RBL2: variants seen among roughly 807,000 people sequenced by gnomAD.
RBL2 encodes retinoblastoma-like protein 2.
Under a neutral mutation model 126.0 loss-of-function variants are expected in RBL2, and 56 were observed. The observed-to-expected ratio is 0.44, with a 90% CI of 0.36 to 0.56. RBL2 has a LOEUF of 0.56. Ranked by LOEUF, RBL2 falls within the 20% of genes least tolerant of loss-of-function variation. The pLI is 0.00. For synonymous variants in RBL2, 454 were observed against 478.5 expected (o/e 0.95, Z 0.67); for missense variants, 1,229 against 1,398.2 (o/e 0.88, Z 1.93).
Position 53,480,591 on chromosome 16 carries a change from T to G in RBL2, c.2906T>G (p.Met969Arg). The G allele has an allele frequency of 6.2e-7, 1 of 1,613,934 alleles. No homozygotes were observed. The highest frequency in any genetic ancestry group is 8.5e-7 in the Non-Finnish European group (1 of 1,179,930). ...DRTSRDSSPV[M>R]RSSSTLPVPQ... ...GCCAGTAGAGACTCCAGTCCAGTTATGAGGTCAAGCAGCACCTTGCCAGTT... is the reference window on the plus strand; with the variant it reads ...GCCAGTAGAGACTCCAGTCCAGTTAGGAGGTCAAGCAGCACCTTGCCAGTT... Residue 969 changes from methionine to arginine, a missense_variant, in exon 20 of 22, where the codon ATG (methionine) becomes AGG (arginine). Coordinates refer to ENST00000262133, the MANE Select transcript of RBL2 (RefSeq NM_005611.4).
chr16:53,483,493 G>A lies in RBL2; in HGVS notation c.3249+1658G>A, dbSNP rs901868473. On this transcript the variant is annotated intron_variant, in intron 21 of 21. Transcript: ENST00000262133. ...TTCAAGGCTGCGGTGAGCTATGGTC[G>A]TGCCACCACACTCCAGCCTGGGCAA... Among the ~76,000 whole-genome samples, 10 of 152,156 alleles carry A rather than the reference G, an allele frequency of 6.6e-5. No homozygotes were observed. In the East Asian group the frequency reaches 7.7e-4, roughly 12 times the overall value.
chr16:53,458,454 G>C (rs574083950), intron 8 of RBL2, among the ~76,000 whole-genome samples: 72 of 152,262 alleles, frequency 4.7e-4, no homozygotes, highest in African/African-American at 1.7e-3. Context: ...GTCTACCTTA[G>C]GGGGAGAACC....
intron 14 of RBL2, among the ~76,000 whole-genome samples, chr16:53,468,620 A>G (rs1396678828): frequency 6.6e-6 from 1 of 152,142 alleles, no homozygotes; most frequent in African/African-American, 2.4e-5. Flanking sequence ...ATCATAATCT[A>G]TTCTTTCTGA....
intron 7 of RBL2, 99 bp from the exon 8 acceptor site, chr16:53,454,557 A>C: frequency 8.5e-7 from 1 of 1,172,828 alleles, no homozygotes; most frequent in Admixed American, 2.6e-5. Context: ...AACTTTCAAA[A>C]AACTATTAGA....
intron 8 of RBL2, among the ~76,000 whole-genome samples, chr16:53,456,849 T>C (rs1420085209): frequency 6.6e-6 from 1 of 152,106 alleles, no homozygotes; most frequent in Non-Finnish European, 1.5e-5. Flanking sequence ...TCCCCAACCC[T>C]CAGGACTTCT....
intron 17 of RBL2, 140 bp from the exon 18 acceptor site, chr16:53,479,014 C>T: frequency 1.5e-6 from 1 of 660,282 alleles, no homozygotes; most frequent in Non-Finnish European, 2.7e-6. Flanking sequence ...TTGCTATATG[C>T]CGTTAATACC....
At chr16:53,453,378 T>C in intron 5 of RBL2, 74 bp from the exon 6 acceptor site, 1 of 1,367,692 alleles carries the variant, frequency 7.3e-7, no homozygotes, top group South Asian at 1.3e-5. Flanking sequence ...ATACTCTATG[T>C]TTTACATTTT....
chr16:53,473,261 T>C (rs1960591341), intron 17 of RBL2, among the ~76,000 whole-genome samples: 1 of 152,180 alleles, frequency 6.6e-6, no homozygotes, highest in Admixed American at 6.5e-5. Flanking sequence ...GCACTGAATC[T>C]GTAGATCCAT....
chr16:53,451,963 A>C, intron 5 of RBL2, 132 bp downstream of exon 5: 1 of 1,003,402 alleles, frequency 1.0e-6, no homozygotes, highest in Non-Finnish European at 1.4e-6. Flanking sequence ...GGTACTTATA[A>C]CTAAGAGTCA....
chr16:53,437,418 T>C (rs1567723895), intron 1 of RBL2, among the ~76,000 whole-genome samples: 1 of 152,134 alleles, frequency 6.6e-6, no homozygotes, highest in Non-Finnish European at 1.5e-5. Context: ...GTTCTTCTCA[T>C]TTTCATTTAG....
At chr16:53,443,792 C>T (rs1445710862) in intron 3 of RBL2, among the ~76,000 whole-genome samples, 2 of 151,572 alleles carry the variant, frequency 1.3e-5, no homozygotes, top group Non-Finnish European at 2.9e-5. Context: ...AGGATGTTTA[C>T]ATTAAGTGTA....
intron 17 of RBL2, chr16:53,478,882 A>G: frequency 6.0e-6 from 2 of 335,132 alleles, no homozygotes; most frequent in East Asian, 1.1e-4. Flanking sequence ...TCAGCCTCCC[A>G]AAGTGCTGGG....
intron 12 of RBL2, chr16:53,464,633 AG>A (rs2058254208): frequency 3.8e-6 from 1 of 260,842 alleles, no homozygotes; most frequent in Non-Finnish European, 7.1e-6. Context: ...TGAGCTGAGA[AG>A]GCTTAAAAAA....
chr16:53,464,579 T>G, intron 12 of RBL2: 3 of 378,174 alleles, frequency 7.9e-6, no homozygotes, highest in Non-Finnish European at 9.1e-6. Flanking sequence ...AAAGCTTTGA[T>G]TCCTCTCTAT....
At chr16:53,458,455 G>C (rs1190527216) in intron 8 of RBL2, among the ~76,000 whole-genome samples, 1 of 152,244 alleles carries the variant, frequency 6.6e-6, no homozygotes, top group African/African-American at 2.4e-5. Flanking sequence ...TCTACCTTAG[G>C]GGGAGAACCT....
rs765981449 is a variant in RBL2, at chr16:53,465,524, T to A, written c.1785T>A (p.Asp595Glu). The A allele has an allele frequency of 1.2e-6, 2 of 1,607,896 alleles. No homozygotes were observed. Among genetic ancestry groups the A allele is most frequent in the Non-Finnish European group, 1.7e-6 (2 of 1,177,388 alleles). The part of the protein sequence containing the change: ...HLNQIEEQIL[D>E]HLAWKPESPL... The stretch of plus-strand genomic sequence containing the variant: ...ATCAGATTGAAGAACAGATCTTAGA[T>A]CATTTGGCATGGAAACCAGAGTCTC... The change falls in exon 13 of 22, where the codon GAT becomes GAA. Residue 595 changes from aspartate (D) to glutamate (E), a missense_variant. Physicochemically the swap from Asp to Glu is conservative, Grantham distance 45. This residue lies in a region of RBL2 where 1,070 missense variants were observed against 1,274.3 expected (regional missense o/e 0.84). Transcript: ENST00000262133.
At chr16:53,484,515 T>C (rs1279493446) in intron 21 of RBL2, among the ~76,000 whole-genome samples, 2 of 152,168 alleles carry the variant, frequency 1.3e-5, no homozygotes, top group East Asian at 3.8e-4. Context: ...ATAAAAAGGA[T>C]GAAGTACTGA....
rs572782196 is a variant in RBL2 at position 53,464,098 on chromosome 16, A to G, written c.1561-128A>G. 3.3e-4 allele frequency: 214 copies of G among 652,692 alleles called. 1 individual carries two copies. The Admixed American group carries it at 3.3e-3, about 10-fold the overall frequency. The allele number at this position is 652,692 out of a possible 1,614,324, so 40.4% of individuals were successfully genotyped here. ...TAATTAAGAAAGGTTTTGTAAGAAA[A>G]TAAGGACACACTTTGCACTCACTCA... On this transcript the variant is annotated intron_variant, in intron 11 of 21. Coordinates refer to ENST00000262133, the MANE Select transcript of RBL2 (RefSeq NM_005611.4).
At chr16:53,467,976 GA>G in intron 14 of RBL2, among the ~76,000 whole-genome samples, 1 of 152,288 alleles carries the variant, frequency 6.6e-6, no homozygotes, top group East Asian at 1.9e-4. Flanking sequence ...TAGTTAATGT[GA>G]CATTAGTGCT....
Sources: gnomAD v4.1 joint callset for allele counts (sites outside exome capture counted in the v4.1 genomes callset) on GRCh38, gnomAD v4.1.1 for gene constraint, gnomAD v4.1.1 regional missense constraint, MANE v1.5 for transcripts, NCBI Gene and HGNC (gene_info 2026-07-23, HGNC 2026-07-21) for gene names.